KAZN: variants seen among roughly 807,000 people sequenced by gnomAD.
The protein encoded by KAZN is kazrin, periplakin interacting protein.
KAZN carries 40 observed loss-of-function variants against 87.4 expected under a neutral mutation model. The ratio of observed to expected loss-of-function variants is 0.46; its 90% CI spans 0.36 to 0.60. The LOEUF is 0.60. Ranked by LOEUF, KAZN falls within the 20% of genes least tolerant of loss-of-function variation. The pLI, the probability that KAZN is intolerant of heterozygous loss-of-function variation, is 0.00. For missense variants in KAZN, 898 were observed against 1,073.9 expected, an observed-to-expected ratio of 0.84 and a Z score of 2.29; for synonymous variants, 466 against 458.3, an observed-to-expected ratio of 1.02 and a Z score of -0.22.
chr1:14,166,896 ATGAG>A (rs1346546773), intron 1 of KAZN, among the ~76,000 whole-genome samples: 2 of 152,218 alleles, frequency 1.3e-5, no homozygotes, highest in African/African-American at 4.8e-5. Flanking sequence ...TCCAGGTACA[ATGAG>A]TGAGGTTTTA....
chr1:15,055,937 C>T (rs957984970), intron 4 of KAZN, among the ~76,000 whole-genome samples, 154 bp from the exon 5 acceptor site: 3 of 152,190 alleles, frequency 2.0e-5, no homozygotes, highest in African/African-American at 4.8e-5. Flanking sequence ...GCGGGGCAGG[C>T]GCTTGACTTA....
intron 1 of KAZN, among the ~76,000 whole-genome samples, chr1:13,930,315 A>C (rs1410161129): frequency 6.6e-6 from 1 of 152,212 alleles, no homozygotes; most frequent in Non-Finnish European, 1.5e-5. Context: ...CATGCAGTAG[A>C]CCTGAACCCC....
chr1:14,163,874 G>C (rs1201638633), intron 1 of KAZN, among the ~76,000 whole-genome samples: 1 of 152,154 alleles, frequency 6.6e-6, no homozygotes, highest in Non-Finnish European at 1.5e-5. Context: ...AGAACCTTCT[G>C]TCCTCTACTT....
intron 2 of KAZN, among the ~76,000 whole-genome samples, chr1:14,514,032 T>C (rs777639090): frequency 6.6e-6 from 1 of 151,488 alleles, no homozygotes; most frequent in African/African-American, 2.4e-5. Context: ...AAAAAAAATA[T>C]TTTTTAGGCC....
chr1:14,100,483 A>C (rs1644225708), intron 1 of KAZN, among the ~76,000 whole-genome samples: 1 of 152,194 alleles, frequency 6.6e-6, no homozygotes, highest in Non-Finnish European at 1.5e-5. Flanking sequence ...CATAGCATGA[A>C]GTCTGGGGGA....
At chr1:14,523,098 G>A (rs113905301) in intron 2 of KAZN, among the ~76,000 whole-genome samples, 6 of 152,270 alleles carry the variant, frequency 3.9e-5, no homozygotes, top group South Asian at 2.1e-4. Flanking sequence ...TTGAGGCTGC[G>A]GCTTCCACAC....
intron 2 of KAZN, among the ~76,000 whole-genome samples, chr1:14,185,312 T>G (rs1646280986): frequency 6.6e-6 from 1 of 152,216 alleles, no homozygotes; most frequent in South Asian, 2.1e-4. Context: ...AAAGTTACCC[T>G]GGGATATCTT....
At chr1:14,480,724 C>A (rs1669033395) in intron 2 of KAZN, among the ~76,000 whole-genome samples, 1 of 141,234 alleles carries the variant, frequency 7.1e-6, no homozygotes, top group African/African-American at 2.6e-5. Context: ...TAAACAGATA[C>A]ATAAATTACA....
At chr1:14,023,031 T>C (rs1292046917) in intron 1 of KAZN, among the ~76,000 whole-genome samples, 2 of 152,152 alleles carry the variant, frequency 1.3e-5, no homozygotes, top group Admixed American at 1.3e-4. Context: ...ACAGTACTCA[T>C]TGGCTGGGTA....
intron 3 of KAZN, among the ~76,000 whole-genome samples, chr1:15,036,678 G>C (rs1672371839): frequency 6.6e-6 from 1 of 152,164 alleles, no homozygotes; most frequent in Non-Finnish European, 1.5e-5. Context: ...CAAGGAGTCA[G>C]AGACCAGGAG....
intron 1 of KAZN, among the ~76,000 whole-genome samples, chr1:13,998,465 G>A (rs1338442425): frequency 1.3e-5 from 2 of 152,158 alleles, no homozygotes; most frequent in Non-Finnish European, 2.9e-5. Context: ...TTGGTGTGCT[G>A]TATTCAGGAG....
At chr1:15,067,883 T>C (rs1437408358) in intron 8 of KAZN, 1 of 948,746 alleles carries the variant, frequency 1.1e-6, no homozygotes, top group African/African-American at 1.8e-5. Flanking sequence ...TTGATTTTTA[T>C]CATTTTCCCT....
intron 1 of KAZN, among the ~76,000 whole-genome samples, chr1:14,122,076 C>T (rs4662110): frequency 0.4 from 61,485 of 151,872 alleles, 13,117 homozygotes; most frequent in East Asian, 0.67. Context: ...ACAATCTGGC[C>T]GTGGCTGTGA....
At chr1:15,068,625 G>T (rs909325596) in intron 8 of KAZN, among the ~76,000 whole-genome samples, 13 of 152,000 alleles carry the variant, frequency 8.6e-5, no homozygotes, top group African/African-American at 1.9e-4. Flanking sequence ...GGAGCCACAG[G>T]CTTCCTTGAT....
chr1:13,917,074 GTGTT>G (rs1458995220), intron 1 of KAZN, among the ~76,000 whole-genome samples: 2 of 152,144 alleles, frequency 1.3e-5, no homozygotes, highest in Non-Finnish European at 2.9e-5. Flanking sequence ...CTTGAAGTAT[GTGTT>G]TGTGTGTGTG....
chr1:15,040,257 TC>T (rs1327901614), intron 3 of KAZN, among the ~76,000 whole-genome samples: 2 of 147,996 alleles, frequency 1.4e-5, no homozygotes, highest in Non-Finnish European at 3.0e-5. Flanking sequence ...ATGATAAATG[TC>T]CCCCTGGAAC....
At chr1:14,001,833 C>T (rs1639806051) in intron 1 of KAZN, among the ~76,000 whole-genome samples, 1 of 152,170 alleles carries the variant, frequency 6.6e-6, no homozygotes, top group African/African-American at 2.4e-5. Context: ...TTCCTTATAC[C>T]TTATACAAAA....
At position 14,013,507 on chromosome 1, in the gene KAZN, G is replaced by A. The variant is rs80303396; in HGVS notation, c.91+119751G>A. Among the ~76,000 whole-genome samples the A allele has an allele frequency of 4.5e-3, 692 of 152,224 alleles. 7 individuals are homozygous for A. The highest frequency in any genetic ancestry group is 0.016 in the African/African-American group (662 of 41,554). On this transcript the variant is annotated intron_variant, in intron 1 of 16. Transcript: ENST00000636203. ...TTTCCCTTGGTAGCAGCAAGGACTT[G>A]GCTGCTGTGTACCCACCACTGTCAG...
At chr1:14,594,293 G>T (rs2486777), upstream of KAZN, among the ~76,000 whole-genome samples, 6,794 of 152,238 alleles carry the variant, frequency 0.045, 524 homozygotes, top group African/African-American at 0.16. Context: ...AATGGGTTAG[G>T]CCCTTAGCCT....
Sources: gnomAD v4.1 joint callset for allele counts (sites outside exome capture counted in the v4.1 genomes callset) on GRCh38, gnomAD v4.1.1 for gene constraint, MANE v1.5 for transcripts, NCBI Gene and HGNC (gene_info 2026-07-23, HGNC 2026-07-21) for gene names.